Variants in COMMD6 observed in about 807,000 individuals in gnomAD.
COMMD6 encodes COMM domain containing 6.
A neutral mutation model predicts 13.4 loss-of-function variants in COMMD6; 11 were observed. The ratio of observed to expected loss-of-function variants is 0.82; its 90% CI spans 0.52 to 1.36. The LOEUF (loss-of-function observed/expected upper bound fraction) is 1.36. Ranked by LOEUF, COMMD6 falls within the 40% of genes most tolerant of loss-of-function variation. COMMD6 has a pLI of 0.00. For missense variants in COMMD6, 124 were observed against 102.4 expected (o/e 1.21, Z -0.91); for synonymous variants, 43 against 36.5 (o/e 1.18, Z -0.64).
At chr13:75,547,956 G>C (rs980475647) in intron 1 of COMMD6, among the ~76,000 whole-genome samples, 1 of 152,246 alleles carries the variant, frequency 6.6e-6, no homozygotes, top group African/African-American at 2.4e-5. Flanking sequence ...TCCCTAGCAA[G>C]ACAGTGCTCT....
At chr13:75,537,493 G>A (rs1395562706) in intron 2 of COMMD6, 171 bp downstream of exon 2, 4 of 1,555,052 alleles carry the variant, frequency 2.6e-6, no homozygotes, top group Admixed American at 3.9e-5. Context: ...CAATGGCAAC[G>A]GCTACCGGCT....
intron 3 of COMMD6, among the ~76,000 whole-genome samples, chr13:75,528,660 G>C (rs1212001742): frequency 6.6e-6 from 1 of 151,976 alleles, no homozygotes; most frequent in East Asian, 1.9e-4. Context: ...TGGCCAACAT[G>C]GTGAAACCTC....
intron 2 of COMMD6, 168 bp downstream of exon 2, chr13:75,537,496 T>C: frequency 6.4e-7 from 1 of 1,556,436 alleles, no homozygotes; most frequent in Non-Finnish European, 8.7e-7. Flanking sequence ...TGGCAACGGC[T>C]ACCGGCTCAG....
At position 75,531,521 on chromosome 13, in the gene COMMD6, G is replaced by GTAAC. The variant is rs397694570; in HGVS notation, c.55-1256_55-1255insGTTA. On this transcript the variant is annotated intron_variant, in intron 2 of 3. Transcript: ENST00000682242. ...GACAAAAGGTTAACATCTTTTATAA[G>GTAAC]AAGATTGAATAAATTCATTTTAAAG... 2.0e-5 allele frequency among the ~76,000 whole-genome samples: 3 copies of GTAAC among 148,516 alleles called. No individual in the cohort carries two copies. The Admixed American group carries it at 2.0e-4, about 10-fold the overall frequency.
chr13:75,537,452 A>G, intron 2 of COMMD6: 1 of 1,551,526 alleles, frequency 6.4e-7, no homozygotes, highest in Non-Finnish European at 8.7e-7. Context: ...TCTTCGGGCT[A>G]GTGCAGGGTG....
At chr13:75,542,552 G>C (rs2030843430), upstream of COMMD6, among the ~76,000 whole-genome samples, 1 of 152,124 alleles carries the variant, frequency 6.6e-6, no homozygotes, top group Admixed American at 6.5e-5. Flanking sequence ...GCCTCCCAAA[G>C]TACTGGGATT....
chr13:75,527,807 A>G, intron 3 of COMMD6: 3 of 1,497,978 alleles, frequency 2.0e-6, no homozygotes, highest in South Asian at 1.4e-5. Flanking sequence ...AAAAAGTCAA[A>G]CTCACAGAAG....
intron 3 of COMMD6, 136 bp downstream of exon 3, chr13:75,529,978 T>C: frequency 1.5e-6 from 1 of 647,526 alleles, no homozygotes; most frequent in Non-Finnish European, 2.7e-6. Context: ...CTCTTGCATA[T>C]ACTACTAGTA....
upstream of COMMD6, among the ~76,000 whole-genome samples, chr13:75,542,791 GGA>G (rs2030847170): frequency 6.6e-6 from 1 of 152,182 alleles, no homozygotes; most frequent in Non-Finnish European, 1.5e-5. Flanking sequence ...AGACAGAGAG[GGA>G]GTGTTAGAGT....
rs1410207478 is a variant in COMMD6 at position 75,530,096 on chromosome 13, A to G, written c.207+18T>C. 1 of 1,596,504 alleles carries G rather than the reference A, an allele frequency of 6.3e-7. No homozygotes were observed. Among genetic ancestry groups the G allele is most frequent in the Non-Finnish European group, 8.6e-7 (1 of 1,168,878 alleles). On this transcript the variant is annotated intron_variant, in intron 3 of 3. Transcript: ENST00000682242. ...TACAGAAAAGCTGAGCTAAAACTGGATGAGTTAAATCACAAACCTGAAACT... is the reference window on the plus strand; with the variant it reads ...TACAGAAAAGCTGAGCTAAAACTGGGTGAGTTAAATCACAAACCTGAAACT...
chr13:75,538,028 G>C (rs544440831), upstream of COMMD6: 112 of 459,872 alleles, frequency 2.4e-4, no homozygotes, highest in Admixed American at 4.2e-3. Flanking sequence ...CCAAAGATTT[G>C]GGAGATACTT....
Position 75,537,744 on chromosome 13 carries a change from C to T in COMMD6, c.42+20G>A. The T allele has an allele frequency of 6.2e-7, 1 of 1,613,906 alleles. No individual in the cohort carries two copies. The highest frequency in any genetic ancestry group is 1.1e-5 in the South Asian group (1 of 91,062). On this transcript the variant is annotated intron_variant, in intron 1 of 3. Transcript: ENST00000682242. ...GCTCCAGAGCCTCGCTGCCCACTCT[C>T]CTTCCAGGTTGGAACTCACATCGGA...
chr13:75,545,267 G>A (rs2030889225), intron 1 of COMMD6, among the ~76,000 whole-genome samples: 1 of 152,202 alleles, frequency 6.6e-6, no homozygotes, highest in Non-Finnish European at 1.5e-5. Flanking sequence ...CAGAGAGACT[G>A]ACCCCGCCCA....
upstream of COMMD6, among the ~76,000 whole-genome samples, chr13:75,540,133 G>T (rs1157760805): frequency 6.6e-6 from 1 of 151,968 alleles, no homozygotes; most frequent in African/African-American, 2.4e-5. Flanking sequence ...ACCATGCCCA[G>T]CTATTTTTTT....
chr13:75,530,757 GTTA>G (rs1304367893), intron 2 of COMMD6, among the ~76,000 whole-genome samples: 1 of 152,168 alleles, frequency 6.6e-6, no homozygotes, highest in Non-Finnish European at 1.5e-5. Flanking sequence ...AACACTATAG[GTTA>G]TTGTTTCCAC....
At chr13:75,528,972 G>A in intron 3 of COMMD6, among the ~76,000 whole-genome samples, 1 of 152,074 alleles carries the variant, frequency 6.6e-6, no homozygotes, top group Middle Eastern at 3.2e-3. Context: ...TTAAAAGGAA[G>A]CCTAGGACCA....
upstream of COMMD6, among the ~76,000 whole-genome samples, chr13:75,539,104 C>T (rs939334805): frequency 4.6e-5 from 7 of 152,182 alleles, no homozygotes; most frequent in African/African-American, 1.7e-4. Context: ...TCTGATCTCC[C>T]TTTCTGTATG....
At chr13:75,538,096 C>T (rs2030747969), upstream of COMMD6, among the ~76,000 whole-genome samples, 3 of 152,232 alleles carry the variant, frequency 2.0e-5, no homozygotes, top group Non-Finnish European at 4.4e-5. Context: ...AACAGTGACA[C>T]GTGGGCTCTT....
chr13:75,540,261 A>C (rs35556048), upstream of COMMD6, among the ~76,000 whole-genome samples: 21,966 of 151,538 alleles, frequency 0.14, 1,690 homozygotes, highest in African/African-American at 0.17. Context: ...GTGAGTCACC[A>C]TGCCCAGCCC....
Sources: allele counts gnomAD v4.1 joint callset (sites outside exome capture counted in the v4.1 genomes callset), GRCh38; gene constraint gnomAD v4.1.1; transcripts MANE v1.5; gene names NCBI Gene and HGNC (gene_info 2026-07-23, HGNC 2026-07-21).